The following MYO9A variants were observed in gnomAD, a reference collection of about 807,000 sequenced individuals.
MYO9A encodes the protein unconventional myosin-IXa.
A neutral mutation model predicts 293.3 loss-of-function variants in MYO9A; 103 were observed. The ratio of observed to expected loss-of-function variants is 0.35; its 90% CI spans 0.30 to 0.41. The LOEUF (loss-of-function observed/expected upper bound fraction) is 0.41, where lower values mean the gene tolerates loss of function less well. MYO9A is among the 10% of genes least tolerant of loss of function. The pLI is 1.00. For missense variants in MYO9A, 2,685 were observed against 3,033.0 expected (o/e 0.89, Z 2.69); for synonymous variants, 1,001 against 1,035.7 (o/e 0.97, Z 0.64).
chr15:71,830,110 TCTC>T lies in MYO9A; in HGVS notation c.7036_7038del (p.Glu2346del), dbSNP rs771834448. The T allele has an allele frequency of 6.2e-7, 1 of 1,613,724 alleles. No homozygotes were observed. The highest frequency in any genetic ancestry group is 8.5e-7 in the Non-Finnish European group (1 of 1,179,786). ...CTCCCCTTCCTCCTGGATACTCACT[TCTC>T]CTTCTGTAGGTTCTCAATCTGCTCA... On this transcript the variant is annotated inframe_deletion and splice_region_variant, in exon 40 of 42. Coordinates refer to ENST00000356056, the MANE Select transcript of MYO9A (RefSeq NM_006901.4).
rs571160569 is a variant in MYO9A at position 72,085,684 on chromosome 15, GA to G, written c.-72+31995del. On this transcript the variant is annotated intron_variant, in intron 1 of 41. Coordinates refer to ENST00000356056, the MANE Select transcript of MYO9A (RefSeq NM_006901.4). ...TGGAAAGCCAGTGTGGTTGTCTGGA[GA>G]AAAGAAGGCACTCTGGCTTTTTAAG... Among the ~76,000 whole-genome samples the G allele has an allele frequency of 2.8e-3, 433 of 152,338 alleles. 1 individual carries two copies. The highest frequency in any genetic ancestry group is 5.8e-3 in the South Asian group (28 of 4,830).
intron 23 of MYO9A, among the ~76,000 whole-genome samples, chr15:71,900,564 G>A (rs2057455703): frequency 6.6e-6 from 1 of 152,110 alleles, no homozygotes; most frequent in African/African-American, 2.4e-5. Flanking sequence ...ATATAACCTT[G>A]AAGAAGTTAA....
At chr15:71,920,627 A>AACATGAGTCC (rs1465955794) in intron 18 of MYO9A, among the ~76,000 whole-genome samples, 1 of 152,190 alleles carries the variant, frequency 6.6e-6, no homozygotes, top group African/African-American at 2.4e-5. Context: ...TTCTCATGTT[A>AACATGAGTCC]TTAAAAAGGA....
At chr15:71,990,974 C>T (rs1436460449) in intron 11 of MYO9A, 129 bp downstream of exon 11, 5 of 930,176 alleles carry the variant, frequency 5.4e-6, no homozygotes, top group Admixed American at 3.9e-5. Context: ...TGTAAAGGCA[C>T]GTTTCAATAT....
intron 7 of MYO9A, among the ~76,000 whole-genome samples, 159 bp downstream of exon 7, chr15:72,010,191 T>A (rs185157047): frequency 2.0e-4 from 31 of 152,208 alleles, no homozygotes; most frequent in African/African-American, 7.0e-4. Context: ...AAATAATTTA[T>A]GATAAAAAAA....
At chr15:71,881,575 CTA>C (rs570463449) in intron 28 of MYO9A, among the ~76,000 whole-genome samples, 3 of 151,978 alleles carry the variant, frequency 2.0e-5, no homozygotes, top group Non-Finnish European at 4.4e-5. Flanking sequence ...TATTAAGTAT[CTA>C]TTTTATTTAG....
chr15:71,845,260 A>G (rs2055333766), intron 39 of MYO9A, among the ~76,000 whole-genome samples: 1 of 148,280 alleles, frequency 6.7e-6, no homozygotes, highest in Non-Finnish European at 1.5e-5. Context: ...CAATGCCTGC[A>G]GTTATGGTTC....
chr15:72,051,198 G>A (rs2078550433), intron 1 of MYO9A, among the ~76,000 whole-genome samples: 1 of 152,212 alleles, frequency 6.6e-6, no homozygotes, highest in African/African-American at 2.4e-5. Context: ...CCGAGTAGCT[G>A]GGACTGTAAG....
intron 13 of MYO9A, among the ~76,000 whole-genome samples, chr15:71,963,460 T>G (rs984892543): frequency 6.6e-6 from 1 of 151,524 alleles, no homozygotes; most frequent in Non-Finnish European, 1.5e-5. Context: ...TTATTTTATG[T>G]ATTTAGAGAC....
intron 39 of MYO9A, among the ~76,000 whole-genome samples, chr15:71,836,036 T>C (rs184945585): frequency 7.9e-5 from 12 of 152,170 alleles, no homozygotes; most frequent in African/African-American, 2.6e-4. Flanking sequence ...AGGGAAAGAC[T>C]GATTAACAAC....
intron 11 of MYO9A, among the ~76,000 whole-genome samples, chr15:71,984,871 T>C (rs922196532): frequency 6.6e-6 from 1 of 152,206 alleles, no homozygotes; most frequent in Non-Finnish European, 1.5e-5. Context: ...CTAGTGCTAA[T>C]ATCATTGGCT....
intron 1 of MYO9A, among the ~76,000 whole-genome samples, chr15:72,104,777 C>T (rs988763127): frequency 6.6e-6 from 1 of 152,128 alleles, no homozygotes; most frequent in African/African-American, 2.4e-5. Context: ...CCCTACTATA[C>T]TGTAAGAAGC....
At chr15:71,874,620 T>A (rs943842186) in intron 32 of MYO9A, among the ~76,000 whole-genome samples, 2 of 152,216 alleles carry the variant, frequency 1.3e-5, no homozygotes, top group South Asian at 4.1e-4. Context: ...CATAGAGAAC[T>A]ATAACGGGAG....
chr15:71,994,216 T>G (rs1348662656), intron 10 of MYO9A, among the ~76,000 whole-genome samples: 5 of 152,106 alleles, frequency 3.3e-5, no homozygotes, highest in Admixed American at 1.3e-4. Context: ...TTTGAAAGAA[T>G]ACAGAGAGCA....
chr15:71,992,007 G>A (rs1044622606), intron 10 of MYO9A, among the ~76,000 whole-genome samples: 2 of 152,026 alleles, frequency 1.3e-5, no homozygotes, highest in South Asian at 2.1e-4. Context: ...CACCCGCCTC[G>A]GCCTCCCAAA....
At chr15:71,988,963 C>T (rs1380499109) in intron 11 of MYO9A, among the ~76,000 whole-genome samples, 12 of 152,124 alleles carry the variant, frequency 7.9e-5, no homozygotes, top group African/African-American at 2.9e-4. Context: ...GGCGCAATCT[C>T]GGCTCACTGC....
intron 1 of MYO9A, among the ~76,000 whole-genome samples, chr15:72,076,232 G>A (rs2079347004): frequency 6.6e-6 from 1 of 151,434 alleles, no homozygotes; most frequent in Non-Finnish European, 1.5e-5. Flanking sequence ...TTAAACCTGG[G>A]AGGAAGAGGT....
chr15:72,096,713 C>T (rs577442178), intron 1 of MYO9A, among the ~76,000 whole-genome samples: 8 of 152,266 alleles, frequency 5.3e-5, no homozygotes, highest in South Asian at 2.1e-4. Context: ...GCAAGGTAAA[C>T]GTAAAACCTT....
At chr15:71,986,846 A>G (rs1452611061) in intron 11 of MYO9A, among the ~76,000 whole-genome samples, 2 of 152,200 alleles carry the variant, frequency 1.3e-5, no homozygotes, top group Non-Finnish European at 2.9e-5. Flanking sequence ...TAATAAATTT[A>G]GTGTAACTTA....
Sources: gnomAD v4.1 joint callset for allele counts (sites outside exome capture counted in the v4.1 genomes callset) on GRCh38, gnomAD v4.1.1 for gene constraint, MANE v1.5 for transcripts, NCBI Gene and HGNC (gene_info 2026-07-23, HGNC 2026-07-21) for gene names.